The following KCTD16 variants were observed in gnomAD, a reference collection of about 807,000 sequenced individuals.
KCTD16 encodes BTB/POZ domain-containing protein KCTD16.
KCTD16 carries 13 observed loss-of-function variants against 33.2 expected under a neutral mutation model. That is an observed-to-expected ratio of 0.39 (90% CI 0.25 to 0.62). KCTD16 has a LOEUF of 0.62. Among genes scored for constraint, KCTD16 ranks in the 20% least tolerant of loss-of-function variants. KCTD16 has a pLI of 0.50. For missense variants in KCTD16, 441 were observed against 525.1 expected, an observed-to-expected ratio of 0.84 and a Z score of 1.57; for synonymous variants, 197 against 195.3, an observed-to-expected ratio of 1.01 and a Z score of -0.07.
At chr5:144,459,224 A>G (rs1754139223) in intron 3 of KCTD16, among the ~76,000 whole-genome samples, 1 of 152,168 alleles carries the variant, frequency 6.6e-6, no homozygotes, top group Non-Finnish European at 1.5e-5. Flanking sequence ...CTGGAAATCT[A>G]TGTCAGAAAG....
intron 3 of KCTD16, among the ~76,000 whole-genome samples, chr5:144,241,712 C>G (rs1392193470): frequency 1.3e-5 from 2 of 152,106 alleles, no homozygotes; most frequent in East Asian, 3.8e-4. Context: ...GCCTATGAAG[C>G]ATAAATATTT....
intron 3 of KCTD16, among the ~76,000 whole-genome samples, chr5:144,448,220 C>A (rs951265315): frequency 6.6e-6 from 1 of 152,058 alleles, no homozygotes; most frequent in African/African-American, 2.4e-5. Context: ...CTGATAATCA[C>A]CCTATTATAT....
intron 3 of KCTD16, among the ~76,000 whole-genome samples, chr5:144,291,747 G>GA (rs1351915678): frequency 7.2e-5 from 11 of 152,092 alleles, no homozygotes; most frequent in Non-Finnish European, 1.3e-4. Context: ...ACTTGAATGA[G>GA]AAAAAATTGC....
intron 3 of KCTD16, among the ~76,000 whole-genome samples, chr5:144,455,249 G>C (rs1754034864): frequency 6.6e-6 from 1 of 152,010 alleles, no homozygotes; most frequent in Non-Finnish European, 1.5e-5. Flanking sequence ...ACTTCCTTCT[G>C]CTTCCACATG....
chr5:144,410,393 A>C (rs369764271), intron 3 of KCTD16, among the ~76,000 whole-genome samples: 1 of 152,208 alleles, frequency 6.6e-6, no homozygotes, highest in African/African-American at 2.4e-5. Flanking sequence ...TTGCTATTTC[A>C]TTTGACTTTC....
chr5:144,342,326 T>C (rs1024673203), intron 3 of KCTD16, among the ~76,000 whole-genome samples: 2 of 152,188 alleles, frequency 1.3e-5, no homozygotes, highest in African/African-American at 4.8e-5. Flanking sequence ...AATTTTATTC[T>C]CTTTGAAGCA....
chr5:144,345,730 TAGTA>T (rs1752780884), intron 3 of KCTD16, among the ~76,000 whole-genome samples: 1 of 152,064 alleles, frequency 6.6e-6, no homozygotes, highest in Non-Finnish European at 1.5e-5. Flanking sequence ...TGTGGGTACA[TAGTA>T]GGTGTATCTA....
intron 3 of KCTD16, among the ~76,000 whole-genome samples, chr5:144,330,480 C>T (rs1752332251): frequency 6.7e-6 from 1 of 149,484 alleles, no homozygotes; most frequent in South Asian, 2.1e-4. Context: ...TAATCTGACT[C>T]TTACAGTATT....
chr5:144,247,501 A>G (rs73310794), intron 3 of KCTD16, among the ~76,000 whole-genome samples: 2,513 of 152,286 alleles, frequency 0.017, 65 homozygotes, highest in African/African-American at 0.05. Context: ...GGCTCCAAAC[A>G]TGGGAGCACA....
intron 3 of KCTD16, among the ~76,000 whole-genome samples, chr5:144,434,436 G>T (rs2126971634): frequency 6.6e-6 from 1 of 152,200 alleles, no homozygotes; most frequent in South Asian, 2.1e-4. Context: ...TGAGGGAGGG[G>T]TGTGTAACTC....
chr5:144,404,565 T>C (rs1360918586), intron 3 of KCTD16, among the ~76,000 whole-genome samples: 4 of 152,172 alleles, frequency 2.6e-5, no homozygotes, highest in African/African-American at 9.7e-5. Context: ...TACATCTGAG[T>C]TGGCATATGT....
chr5:144,289,105 T>C (rs1366830669), intron 3 of KCTD16, among the ~76,000 whole-genome samples: 3 of 152,162 alleles, frequency 2.0e-5, no homozygotes, highest in Non-Finnish European at 4.4e-5. Flanking sequence ...AAAAAGGCAT[T>C]TCATTGGTGT....
chr5:144,462,065 C>G (rs976517483), intron 3 of KCTD16, among the ~76,000 whole-genome samples: 23 of 152,128 alleles, frequency 1.5e-4, no homozygotes, highest in Admixed American at 1.5e-3. Context: ...GGATTTGATT[C>G]CGTTGTCATG....
intron 3 of KCTD16, among the ~76,000 whole-genome samples, chr5:144,345,223 A>C (rs1416495262): frequency 9.8e-6 from 1 of 101,758 alleles, no homozygotes; most frequent in African/African-American, 3.5e-5. Flanking sequence ...GGGAGGGGGG[A>C]GGGATAGCAT....
At chr5:144,315,066 G>C (rs550137889) in intron 3 of KCTD16, among the ~76,000 whole-genome samples, 1 of 152,238 alleles carries the variant, frequency 6.6e-6, no homozygotes, top group African/African-American at 2.4e-5. Flanking sequence ...CTGCACTTTG[G>C]GCTGTCTTTC....
intron 3 of KCTD16, among the ~76,000 whole-genome samples, chr5:144,258,311 G>T (rs962688436): frequency 6.6e-6 from 1 of 151,440 alleles, no homozygotes; most frequent in Non-Finnish European, 1.5e-5. Flanking sequence ...ATAATATTTA[G>T]AATAGTATAG....
chr5:144,303,283 G>A (rs1330481420), intron 3 of KCTD16, among the ~76,000 whole-genome samples: 1 of 152,170 alleles, frequency 6.6e-6, no homozygotes, highest in Non-Finnish European at 1.5e-5. Flanking sequence ...CTATGTTTCA[G>A]CTGACTCTTA....
At position 144,479,486 on chromosome 5, in the gene KCTD16, G is replaced by A. The variant is rs767863310; in HGVS notation, c.*5372G>A. 5.3e-5 allele frequency: 8 copies of A among 151,552 alleles called. No individual in the cohort carries two copies. The highest frequency in any genetic ancestry group is 2.0e-4 in the Admixed American group (3 of 15,166). The allele number at this position is 151,552 out of a possible 1,614,324, so 9.4% of individuals were successfully genotyped here. On this transcript the variant is annotated 3_prime_UTR_variant, in exon 4 of 4. Coordinates refer to ENST00000512467, the MANE Select transcript of KCTD16 (RefSeq NM_020768.4). ...AACTGGATACATACCAAATTCCCAC[G>A]TTATAAGAAAGATGAAAATAGAGAT...
intron 3 of KCTD16, among the ~76,000 whole-genome samples, chr5:144,323,255 C>T (rs922246315): frequency 2.0e-5 from 3 of 152,098 alleles, no homozygotes; most frequent in African/African-American, 7.2e-5. Flanking sequence ...GCTAAAAAGC[C>T]TTGAGATATT....
Sources: gnomAD v4.1 joint callset for allele counts (sites outside exome capture counted in the v4.1 genomes callset) on GRCh38, gnomAD v4.1.1 for gene constraint, MANE v1.5 for transcripts, NCBI Gene and HGNC (gene_info 2026-07-23, HGNC 2026-07-21) for gene names.